Variants in RCAN2 observed in about 807,000 individuals in gnomAD.
RCAN2 encodes regulator of calcineurin 2.
RCAN2 carries 9 observed loss-of-function variants against 23.6 expected under a neutral mutation model. That is an observed-to-expected ratio of 0.38 (90% CI 0.23 to 0.67). The LOEUF (loss-of-function observed/expected upper bound fraction) is 0.67, where lower values mean the gene tolerates loss of function less well. RCAN2 is among the 30% of genes least tolerant of loss of function. The pLI is 0.51. For missense variants in RCAN2, 273 were observed against 302.3 expected (o/e 0.90, Z 0.72); for synonymous variants, 109 against 115.7 (o/e 0.94, Z 0.37).
At chr6:46,444,192 C>T (rs1003132542) in intron 2 of RCAN2, among the ~76,000 whole-genome samples, 3 of 152,108 alleles carry the variant, frequency 2.0e-5, no homozygotes, top group African/African-American at 7.2e-5. Flanking sequence ...TTTAAGCTCC[C>T]TGAGTCAAGA....
intron 2 of RCAN2, among the ~76,000 whole-genome samples, chr6:46,424,823 C>T (rs1189322754): frequency 2.0e-5 from 3 of 152,066 alleles, no homozygotes; most frequent in Non-Finnish European, 2.9e-5. Context: ...ACATAGTAAA[C>T]AGTTAAATAT....
At chr6:46,232,656 G>A (rs1582010071) in intron 4 of RCAN2, among the ~76,000 whole-genome samples, 1 of 152,034 alleles carries the variant, frequency 6.6e-6, no homozygotes, top group South Asian at 2.1e-4. Context: ...AGCTGGGCAT[G>A]GTGGTGCATG....
chr6:46,431,593 C>T (rs958280243), intron 2 of RCAN2, among the ~76,000 whole-genome samples: 1 of 152,204 alleles, frequency 6.6e-6, no homozygotes, highest in Non-Finnish European at 1.5e-5. Context: ...CCTAGAGATG[C>T]TCCAAGTGAC....
intron 2 of RCAN2, among the ~76,000 whole-genome samples, chr6:46,410,960 T>A (rs939737673): frequency 3.3e-5 from 5 of 152,118 alleles, no homozygotes; most frequent in Non-Finnish European, 7.4e-5. Context: ...GGGAGGCAGG[T>A]CCAAGTTTGC....
intron 2 of RCAN2, among the ~76,000 whole-genome samples, chr6:46,411,176 A>T (rs1766540963): frequency 6.6e-6 from 1 of 152,262 alleles, no homozygotes; most frequent in African/African-American, 2.4e-5. Flanking sequence ...ATGATGGAAT[A>T]TTATTCAGCC....
intron 1 of RCAN2, among the ~76,000 whole-genome samples, chr6:46,480,712 G>C (rs1428343840): frequency 2.0e-5 from 3 of 151,784 alleles, no homozygotes; most frequent in Non-Finnish European, 2.9e-5. Context: ...TGCAAGCTCT[G>C]CCTCCTGGGT....
At chr6:46,432,034 T>C (rs547741158) in intron 2 of RCAN2, among the ~76,000 whole-genome samples, 2 of 152,322 alleles carry the variant, frequency 1.3e-5, no homozygotes, top group East Asian at 3.9e-4. Flanking sequence ...CAATAAATTA[T>C]CTTCATTACT....
chr6:46,257,491 A>T (rs1255366654), intron 2 of RCAN2, among the ~76,000 whole-genome samples: 1 of 152,158 alleles, frequency 6.6e-6, no homozygotes, highest in Non-Finnish European at 1.5e-5. Context: ...CAGAAAACTT[A>T]ACAATCGTGG....
chr6:46,265,830 A>G (rs1034697020), intron 2 of RCAN2, among the ~76,000 whole-genome samples: 1 of 152,200 alleles, frequency 6.6e-6, no homozygotes, highest in Non-Finnish European at 1.5e-5. Context: ...TTACAAAATG[A>G]TTCTAGTTAT....
At chr6:46,348,360 A>T (rs1479678061) in intron 2 of RCAN2, among the ~76,000 whole-genome samples, 1 of 152,192 alleles carries the variant, frequency 6.6e-6, no homozygotes. Context: ...TAAGAATCCT[A>T]GACAACAGCC....
At chr6:46,487,738 C>T (rs568897532) in intron 1 of RCAN2, among the ~76,000 whole-genome samples, 1 of 152,324 alleles carries the variant, frequency 6.6e-6, no homozygotes, top group Admixed American at 6.5e-5. Flanking sequence ...CATGCTTCCC[C>T]AACCTCAGGC....
At chr6:46,488,519 A>G (rs1017721087) in intron 1 of RCAN2, among the ~76,000 whole-genome samples, 4 of 152,176 alleles carry the variant, frequency 2.6e-5, no homozygotes, top group Admixed American at 1.3e-4. Context: ...CCTGCTATTA[A>G]GTTTGTCTCT....
At chr6:46,381,912 C>T (rs1172075632) in intron 2 of RCAN2, among the ~76,000 whole-genome samples, 3 of 152,216 alleles carry the variant, frequency 2.0e-5, no homozygotes, top group Non-Finnish European at 4.4e-5. Context: ...GGCTTATATT[C>T]ACCCAGGCCT....
intron 2 of RCAN2, among the ~76,000 whole-genome samples, chr6:46,422,826 A>C (rs1480131796): frequency 2.0e-5 from 3 of 152,242 alleles, no homozygotes; most frequent in South Asian, 2.1e-4. Context: ...GAGGATTAAG[A>C]AGCTAATTTT....
intron 2 of RCAN2, among the ~76,000 whole-genome samples, chr6:46,385,976 T>C (rs936046704): frequency 6.6e-5 from 10 of 151,008 alleles, no homozygotes; most frequent in Non-Finnish European, 1.0e-4. Flanking sequence ...GATTTCATGA[T>C]GAAAATGCCA....
intron 2 of RCAN2, among the ~76,000 whole-genome samples, chr6:46,262,310 C>T (rs917042635): frequency 6.6e-5 from 10 of 152,148 alleles, no homozygotes; most frequent in Non-Finnish European, 1.5e-4. Flanking sequence ...ACTATGTTCT[C>T]TGGACCTTTC....
chr6:46,405,979 C>G (rs940588006), intron 2 of RCAN2, among the ~76,000 whole-genome samples: 1 of 152,332 alleles, frequency 6.6e-6, no homozygotes, highest in Non-Finnish European at 1.5e-5. Flanking sequence ...GCTGGGGGAC[C>G]CAGTACACCC....
chr6:46,440,313 T>C (rs1164385596), intron 2 of RCAN2, among the ~76,000 whole-genome samples: 1 of 152,206 alleles, frequency 6.6e-6, no homozygotes, highest in African/African-American at 2.4e-5. Context: ...GAAGATGTTG[T>C]TGTCAATTGT....
intron 2 of RCAN2, among the ~76,000 whole-genome samples, chr6:46,422,441 T>A (rs1439937690): frequency 6.6e-6 from 1 of 151,886 alleles, no homozygotes; most frequent in Non-Finnish European, 1.5e-5. Context: ...GTAACACAAA[T>A]GGACTAAGAC....
Sources: allele counts gnomAD v4.1 joint callset (sites outside exome capture counted in the v4.1 genomes callset), GRCh38; gene constraint gnomAD v4.1.1; transcripts MANE v1.5; gene names NCBI Gene and HGNC (gene_info 2026-07-23, HGNC 2026-07-21).